DLG2: variants seen among roughly 807,000 people sequenced by gnomAD.
The protein encoded by DLG2 is discs large MAGUK scaffold protein 2.
DLG2 carries 45 observed loss-of-function variants against 132.5 expected under a neutral mutation model. That is an observed-to-expected ratio of 0.34 (90% CI 0.27 to 0.44). The LOEUF is 0.44. Ranked by LOEUF, DLG2 falls within the 20% of genes least tolerant of loss-of-function variation. The probability of loss-of-function intolerance (pLI) is 1.00; values close to 1 mark genes in which losing one functional copy is unlikely to be tolerated. For missense variants in DLG2, 1,045 were observed against 1,196.9 expected (o/e 0.87, Z 1.87); for synonymous variants, 424 against 419.6 (o/e 1.01, Z -0.13).
intron 6 of DLG2, among the ~76,000 whole-genome samples, chr11:84,583,029 G>A (rs1357731403): frequency 2.0e-5 from 3 of 152,160 alleles, no homozygotes; most frequent in Non-Finnish European, 4.4e-5. Context: ...ATAAAAGAAA[G>A]TAATAAGAAC....
chr11:85,323,674 C>T (rs2081240057), intron 3 of DLG2, among the ~76,000 whole-genome samples: 1 of 152,220 alleles, frequency 6.6e-6, no homozygotes, highest in Non-Finnish European at 1.5e-5. Context: ...CCTTTCTCAG[C>T]TTCTAATAAG....
At position 83,888,268 on chromosome 11, in the gene DLG2, C is replaced by G. The variant is rs1204944200; in HGVS notation, c.1497-13780G>C. ...TCAGCAAAGTCTCAGGATACATTAT[C>G]AATGTACAAAAATCACAAGCATTCT... On this transcript the variant is annotated intron_variant, in intron 15 of 27. Coordinates refer to ENST00000376104, the MANE Select transcript of DLG2 (RefSeq NM_001142699.3). Among the ~76,000 whole-genome samples the G allele has an allele frequency of 3.9e-4, 59 of 152,178 alleles. 1 individual carries two copies. The highest frequency in any genetic ancestry group is 7.6e-4 in the Non-Finnish European group (52 of 68,044).
intron 10 of DLG2, among the ~76,000 whole-genome samples, chr11:84,063,863 ACC>A (rs1413708192): frequency 2.0e-5 from 3 of 151,938 alleles, no homozygotes; most frequent in African/African-American, 7.3e-5. Flanking sequence ...TATCACAAGG[ACC>A]AAAAACCAAA....
At chr11:85,334,787 G>C (rs147547658) in intron 3 of DLG2, among the ~76,000 whole-genome samples, 1 of 152,266 alleles carries the variant, frequency 6.6e-6, no homozygotes, top group African/African-American at 2.4e-5. Context: ...TGGTCTGAGA[G>C]TGTGGTTGGT....
chr11:84,092,092 T>C (rs142349024), intron 10 of DLG2, among the ~76,000 whole-genome samples: 1 of 152,346 alleles, frequency 6.6e-6, no homozygotes, highest in Non-Finnish European at 1.5e-5. Flanking sequence ...AGTCAAATGA[T>C]TAGGGGACTT....
At chr11:83,656,513 A>C (rs1308372548) in intron 18 of DLG2, among the ~76,000 whole-genome samples, 1 of 152,214 alleles carries the variant, frequency 6.6e-6, no homozygotes, top group Non-Finnish European at 1.5e-5. Context: ...CACTTGGGGA[A>C]GCAGGAGGGA....
intron 3 of DLG2, among the ~76,000 whole-genome samples, chr11:85,301,564 G>C (rs1193675980): frequency 6.6e-6 from 1 of 152,102 alleles, no homozygotes; most frequent in Non-Finnish European, 1.5e-5. Context: ...CTGTGAGGGG[G>C]CTGAAAATCA....
At chr11:83,851,131 C>G (rs1358029060) in intron 16 of DLG2, among the ~76,000 whole-genome samples, 1 of 150,114 alleles carries the variant, frequency 6.7e-6, no homozygotes, top group Non-Finnish European at 1.5e-5. Context: ...GAGCTGAGAC[C>G]GCGGCACTGT....
intron 6 of DLG2, among the ~76,000 whole-genome samples, chr11:84,999,961 GT>G (rs2058052892): frequency 6.6e-6 from 1 of 151,614 alleles, no homozygotes; most frequent in Admixed American, 6.6e-5. Context: ...ACATTGGCAA[GT>G]TTTTTGTAAA....
At chr11:84,412,412 C>T (rs916996992) in intron 7 of DLG2, among the ~76,000 whole-genome samples, 3 of 151,980 alleles carry the variant, frequency 2.0e-5, no homozygotes, top group Admixed American at 2.0e-4. Context: ...GATGGAAATG[C>T]CATAATGGAG....
intron 9 of DLG2, among the ~76,000 whole-genome samples, chr11:84,152,296 C>T (rs1358967148): frequency 6.6e-6 from 1 of 150,674 alleles, no homozygotes; most frequent in Non-Finnish European, 1.5e-5. Flanking sequence ...ATATAATGCC[C>T]TTCTTTGTCA....
At chr11:83,594,388 T>C (rs568474710) in intron 19 of DLG2, among the ~76,000 whole-genome samples, 66 of 152,332 alleles carry the variant, frequency 4.3e-4, no homozygotes, top group African/African-American at 1.6e-3. Flanking sequence ...ATTTAAGAAA[T>C]ATGTTGCATC....
At chr11:85,569,010 G>A (rs909527050) in intron 3 of DLG2, among the ~76,000 whole-genome samples, 1 of 151,786 alleles carries the variant, frequency 6.6e-6, no homozygotes, top group African/African-American at 2.4e-5. Context: ...ATTTATTTGA[G>A]ATCATTCTTC....
intron 6 of DLG2, among the ~76,000 whole-genome samples, chr11:84,787,899 G>A (rs1455240478): frequency 6.7e-6 from 1 of 148,658 alleles, no homozygotes; most frequent in Non-Finnish European, 1.5e-5. Flanking sequence ...AGGAGTTCAA[G>A]ACCAGCCTGG....
chr11:85,458,351 T>G (rs2092486845), intron 3 of DLG2, among the ~76,000 whole-genome samples: 1 of 152,204 alleles, frequency 6.6e-6, no homozygotes, highest in Non-Finnish European at 1.5e-5. Flanking sequence ...TTAATGATCC[T>G]TAGCTTTCTT....
chr11:83,465,426 C>A (rs189076441), intron 26 of DLG2, among the ~76,000 whole-genome samples: 3 of 152,114 alleles, frequency 2.0e-5, no homozygotes, highest in East Asian at 3.8e-4. Flanking sequence ...TCTGTTTCTT[C>A]GGTCCTTCCA....
intron 4 of DLG2, among the ~76,000 whole-genome samples, chr11:85,282,651 C>A (rs1444743370): frequency 6.6e-6 from 1 of 151,832 alleles, no homozygotes; most frequent in Admixed American, 6.6e-5. Context: ...GTTTTAAGAA[C>A]AACTGTATTT....
intron 7 of DLG2, among the ~76,000 whole-genome samples, chr11:84,307,695 CAAAA>C (rs1222486667): frequency 2.6e-5 from 2 of 78,022 alleles, no homozygotes; most frequent in African/African-American, 5.4e-5. Context: ...GACGCAGTCT[CAAAA>C]AAAAAAAAAA....
At chr11:84,999,071 A>C (rs1317365270) in intron 6 of DLG2, among the ~76,000 whole-genome samples, 2 of 152,000 alleles carry the variant, frequency 1.3e-5, no homozygotes, top group Non-Finnish European at 2.9e-5. Flanking sequence ...TCTTGGATTC[A>C]CTATACCTTG....
Sources: allele counts gnomAD v4.1 joint callset (sites outside exome capture counted in the v4.1 genomes callset), GRCh38; gene constraint gnomAD v4.1.1; transcripts MANE v1.5; gene names NCBI Gene and HGNC (gene_info 2026-07-23, HGNC 2026-07-21).